Variants in PSTPIP2 observed in about 807,000 individuals in gnomAD.
PSTPIP2 encodes proline-serine-threonine phosphatase interacting protein 2, also known as proline-serine-threonine phosphatase-interacting protein 2.
Under a neutral mutation model 63.3 loss-of-function variants are expected in PSTPIP2, and 33 were observed. That is an observed-to-expected ratio of 0.52 (90% CI 0.40 to 0.70). The LOEUF (loss-of-function observed/expected upper bound fraction) is 0.70, where lower values mean the gene tolerates loss of function less well. Among genes scored for constraint, PSTPIP2 ranks in the 30% least tolerant of loss-of-function variants. The probability of loss-of-function intolerance (pLI) is 0.00; values close to 1 mark genes in which losing one functional copy is unlikely to be tolerated. For synonymous variants in PSTPIP2, 125 were observed against 132.7 expected (o/e 0.94, Z 0.40); for missense variants, 312 against 400.7 (o/e 0.78, Z 1.89).
At chr18:45,997,665 TC>T (rs1298138775) in intron 9 of PSTPIP2, 83 bp downstream of exon 9, 1,765 of 29,608 alleles carry the variant, frequency 0.06, 164 homozygotes, top group African/African-American at 0.23. Context: ...CCTCCTCCCC[TC>T]CCCCCCCCGT....
intron 10 of PSTPIP2, among the ~76,000 whole-genome samples, chr18:45,992,697 T>C (rs1329762918): frequency 3.3e-5 from 5 of 152,146 alleles, no homozygotes; most frequent in African/African-American, 1.2e-4. Flanking sequence ...GATGCACATC[T>C]GCTATTAATT....
At chr18:46,027,351 A>T (rs554335388) in intron 2 of PSTPIP2, among the ~76,000 whole-genome samples, 62 of 149,788 alleles carry the variant, frequency 4.1e-4, no homozygotes, top group South Asian at 4.0e-3. Flanking sequence ...TAAAAATATT[A>T]AAAAAATTTT....
rs2051716239 is a variant in PSTPIP2, at chr18:46,005,539, G to C, written c.355-8C>G. 5 of 1,570,422 alleles carry C rather than the reference G, an allele frequency of 3.2e-6. No individual in the cohort carries two copies. Among genetic ancestry groups the C allele is most frequent in the Non-Finnish European group, 4.4e-6 (5 of 1,148,338 alleles). Reference sequence around the variant, plus strand: ...ATCCATTATGAGCTCTGTCTGTAAAGAGATCATAAACACTCTTAATAAAAA... The same window carrying C: ...ATCCATTATGAGCTCTGTCTGTAAACAGATCATAAACACTCTTAATAAAAA... On this transcript the variant is annotated splice_region_variant and splice_polypyrimidine_tract_variant and intron_variant, in intron 5 of 14. Transcript: ENST00000409746.
intron 1 of PSTPIP2, among the ~76,000 whole-genome samples, chr18:46,049,874 G>A (rs912297981): frequency 1.3e-4 from 19 of 151,716 alleles, no homozygotes; most frequent in African/African-American, 4.4e-4. Flanking sequence ...GCAAGACTCC[G>A]TTTCAAAAAA....
chr18:45,991,959 T>A lies in PSTPIP2; in HGVS notation c.863A>T (p.Tyr288Phe), dbSNP rs2051539110. 5 of 1,613,266 alleles carry A rather than the reference T, an allele frequency of 3.1e-6. No homozygotes were observed. The highest frequency in any genetic ancestry group is 4.2e-6 in the Non-Finnish European group (5 of 1,179,536). Residue 288 changes from tyrosine to phenylalanine, a missense_variant, in exon 12 of 15, where the codon TAC (tyrosine) becomes TTC (phenylalanine). Tyr to Phe is a conservative substitution (Grantham distance 22). Coordinates refer to ENST00000409746, the MANE Select transcript of PSTPIP2 (RefSeq NM_024430.4). ...PPAPIMYENFYSSQKNAVPAG... is the reference protein window; with the variant it reads ...PPAPIMYENFFSSQKNAVPAG... ...TGGGACTGCATTCTTCTGGGAGGAG[T>A]AGAAATTCTCATACATGATGGGTGC... is the stretch of plus-strand genomic sequence containing the variant.
chr18:46,041,384 C>G (rs1187739231), intron 1 of PSTPIP2, among the ~76,000 whole-genome samples: 1 of 152,062 alleles, frequency 6.6e-6, no homozygotes, highest in Non-Finnish European at 1.5e-5. Flanking sequence ...GTAGCTGGGA[C>G]TACAGGGACA....
chr18:46,009,049 G>A (rs184194326), intron 5 of PSTPIP2, among the ~76,000 whole-genome samples: 34 of 151,996 alleles, frequency 2.2e-4, no homozygotes, highest in Non-Finnish European at 4.7e-4. Flanking sequence ...GGCACATCAC[G>A]CTTTACCATG....
At chr18:45,985,474 T>G (rs1186914194) in intron 14 of PSTPIP2, 24 bp from the exon 15 acceptor site, 1 of 1,611,408 alleles carries the variant, frequency 6.2e-7, no homozygotes, top group Non-Finnish European at 8.5e-7. Context: ...ACAAAGAAAT[T>G]TCCTCTGAAT....
At chr18:46,043,941 G>T (rs552714781) in intron 1 of PSTPIP2, among the ~76,000 whole-genome samples, 18 of 152,146 alleles carry the variant, frequency 1.2e-4, no homozygotes, top group Non-Finnish European at 2.2e-4. Flanking sequence ...AGTTTTGCAA[G>T]ATTTCTTCAC....
intron 1 of PSTPIP2, among the ~76,000 whole-genome samples, chr18:46,063,063 T>C (rs1909046187): frequency 6.6e-6 from 1 of 152,184 alleles, no homozygotes; most frequent in South Asian, 2.1e-4. Context: ...AGTGCAGTGG[T>C]GTAATCACGG....
At chr18:46,013,438 T>C (rs567876845) in intron 4 of PSTPIP2, among the ~76,000 whole-genome samples, 2 of 152,270 alleles carry the variant, frequency 1.3e-5, no homozygotes, top group Admixed American at 1.3e-4. Context: ...CCAGGTATTC[T>C]GAAAAACAGA....
intron 2 of PSTPIP2, among the ~76,000 whole-genome samples, chr18:46,030,938 T>A (rs1907769720): frequency 6.6e-6 from 1 of 152,238 alleles, no homozygotes; most frequent in African/African-American, 2.4e-5. Flanking sequence ...TTCCTTGATA[T>A]TTGAAGAATT....
intron 4 of PSTPIP2, among the ~76,000 whole-genome samples, chr18:46,013,835 T>A (rs2051825801): frequency 6.6e-6 from 1 of 152,146 alleles, no homozygotes; most frequent in East Asian, 1.9e-4. Context: ...CCAACAGAGA[T>A]GAACTCTGAC....
At chr18:46,023,979 A>G (rs1568220360) in intron 3 of PSTPIP2, among the ~76,000 whole-genome samples, 1 of 152,080 alleles carries the variant, frequency 6.6e-6, no homozygotes, top group Non-Finnish European at 1.5e-5. Context: ...AGAAGGTATT[A>G]ATAACAGGTT....
intron 1 of PSTPIP2, among the ~76,000 whole-genome samples, chr18:46,051,792 T>C (rs2144122888): frequency 6.6e-6 from 1 of 152,338 alleles, no homozygotes; most frequent in South Asian, 2.1e-4. Context: ...TCTGAGTGTA[T>C]TACTGAAGTT....
chr18:46,032,369 A>G (rs901611305), intron 2 of PSTPIP2, among the ~76,000 whole-genome samples: 2 of 152,174 alleles, frequency 1.3e-5, no homozygotes, highest in Non-Finnish European at 2.9e-5. Flanking sequence ...TACGCTTCAC[A>G]AAGCTCTCCT....
intron 2 of PSTPIP2, among the ~76,000 whole-genome samples, chr18:46,027,556 G>T (rs1907625869): frequency 6.6e-6 from 1 of 151,834 alleles, no homozygotes; most frequent in African/African-American, 2.4e-5. Flanking sequence ...TGGGTGTGGT[G>T]GCACACATCT....
At chr18:45,992,713 T>C (rs1289209008) in intron 10 of PSTPIP2, among the ~76,000 whole-genome samples, 1 of 151,922 alleles carries the variant, frequency 6.6e-6, no homozygotes, top group Non-Finnish European at 1.5e-5. Context: ...TAATTTTTTA[T>C]TTTTTATTTT....
At chr18:46,071,459 T>C (rs1170219050) in intron 1 of PSTPIP2, among the ~76,000 whole-genome samples, 1 of 152,106 alleles carries the variant, frequency 6.6e-6, no homozygotes, top group Non-Finnish European at 1.5e-5. Context: ...GGGCTGGCCC[T>C]ACCGGGCTGG....
Sources: gnomAD v4.1 joint callset for allele counts (sites outside exome capture counted in the v4.1 genomes callset) on GRCh38, gnomAD v4.1.1 for gene constraint, MANE v1.5 for transcripts, NCBI Gene and HGNC (gene_info 2026-07-23, HGNC 2026-07-21) for gene names.